Variants in TMEM178B observed in about 807,000 individuals in gnomAD.
TMEM178B encodes transmembrane protein 178B.
In TMEM178B, 5 loss-of-function variants were observed where a neutral mutation model predicts 31.0. The ratio of observed to expected loss-of-function variants is 0.16; its 90% confidence interval spans 0.08 to 0.34. TMEM178B has a LOEUF of 0.34. Among genes scored for constraint, TMEM178B ranks in the 10% least tolerant of loss-of-function variants. The pLI is 1.00. For synonymous variants in TMEM178B, 164 were observed against 164.0 expected (o/e 1.00, Z 0.00); for missense variants, 275 against 400.3 (o/e 0.69, Z 2.67).
At position 141,169,581 on chromosome 7, in the gene TMEM178B, G is replaced by A. The variant is rs981579380; in HGVS notation, c.383-43010G>A. On this transcript the variant is annotated intron_variant, in intron 1 of 3. Transcript: ENST00000565468. ...GACACCTGGCTCTTGGGGTAATCAAGGCTCTGACAGGCTCTGCAAAGAATC... is the reference window on the plus strand; with the variant it reads ...GACACCTGGCTCTTGGGGTAATCAAAGCTCTGACAGGCTCTGCAAAGAATC... 2.6e-5 allele frequency among the ~76,000 whole-genome samples: 4 copies of A among 152,196 alleles called. No individual in the cohort carries two copies. In the South Asian group the frequency reaches 6.2e-4, roughly 24 times the overall value.
intron 1 of TMEM178B, among the ~76,000 whole-genome samples, chr7:141,128,330 G>T (rs938599119): frequency 1.2e-4 from 18 of 152,042 alleles, no homozygotes; most frequent in Non-Finnish European, 2.6e-4. Flanking sequence ...CTTTTCTCTT[G>T]CTTCCTTATT....
rs187444683 is a variant in TMEM178B at position 141,294,292 on chromosome 7, C to T, written c.496+81588C>T. Among the ~76,000 whole-genome samples the T allele has an allele frequency of 1.2e-3, 177 of 152,304 alleles. 1 individual carries two copies. Among genetic ancestry groups the T allele is most frequent in the Middle Eastern group, 6.8e-3 (2 of 294 alleles). On this transcript the variant is annotated intron_variant, in intron 2 of 3. Coordinates refer to ENST00000565468, the MANE Select transcript of TMEM178B (RefSeq NM_001195278.2). ...AGGGCCCCTTAGTTCCTCTCCACCC[C>T]TGCTGATCTCAGCTATTTGAATACA... is the stretch of plus-strand genomic sequence containing the variant.
intron 2 of TMEM178B, among the ~76,000 whole-genome samples, chr7:141,341,064 C>A (rs1437529666): frequency 6.6e-6 from 1 of 152,190 alleles, no homozygotes; most frequent in South Asian, 2.1e-4. Flanking sequence ...ACCTTCACAA[C>A]AAATCCACAC....
chr7:141,303,632 G>A (rs217033), intron 2 of TMEM178B, among the ~76,000 whole-genome samples: 15,109 of 152,234 alleles, frequency 0.099, 1,109 homozygotes, highest in African/African-American at 0.2. Flanking sequence ...TGTACAACAC[G>A]TGCAACCAGG....
intron 1 of TMEM178B, among the ~76,000 whole-genome samples, chr7:141,200,062 T>C (rs530217518): frequency 1.3e-5 from 2 of 151,588 alleles, no homozygotes; most frequent in Non-Finnish European, 2.9e-5. Flanking sequence ...AAAAAAAAAT[T>C]TGTAGACAGG....
chr7:141,257,621 G>C (rs1163749174), intron 2 of TMEM178B, among the ~76,000 whole-genome samples: 1 of 152,162 alleles, frequency 6.6e-6, no homozygotes, highest in African/African-American at 2.4e-5. Context: ...TCCACTTTCA[G>C]CTCCTCAGCT....
the TMEM178B span, among the ~76,000 whole-genome samples, chr7:141,493,533 G>T: frequency 4.6e-5 from 7 of 152,278 alleles, no homozygotes; most frequent in African/African-American, 1.7e-4. Flanking sequence ...CCCACCTGCG[G>T]CTGCAGTCCA....
rs548585047 is a variant in TMEM178B at position 141,252,574 on chromosome 7, G to A, written c.496+39870G>A. ...TGGATTTGATGTCTATCTGAATTTT[G>A]GAGTTAGTAAACACATCAGTGTTAC... On this transcript the variant is annotated intron_variant, in intron 2 of 3. Coordinates refer to ENST00000565468, the MANE Select transcript of TMEM178B (RefSeq NM_001195278.2). Among the ~76,000 whole-genome samples the A allele has an allele frequency of 5.4e-4, 83 of 152,302 alleles. 1 individual carries two copies. In the South Asian group the frequency reaches 0.017, roughly 31 times the overall value.
intron 2 of TMEM178B, among the ~76,000 whole-genome samples, chr7:141,221,596 G>A (rs529006219): frequency 6.6e-6 from 1 of 152,372 alleles, no homozygotes; most frequent in Non-Finnish European, 1.5e-5. Context: ...AATGGTGGCT[G>A]AGAGAGTAGC....
chr7:141,437,782 C>T, intron 3 of TMEM178B, 37 bp downstream of exon 3: 1 of 1,535,638 alleles, frequency 6.5e-7, no homozygotes, highest in East Asian at 2.4e-5. Flanking sequence ...TGGCAGTGGA[C>T]AGGGTCCTGT....
chr7:141,297,289 G>C (rs532808608), intron 2 of TMEM178B, among the ~76,000 whole-genome samples: 2 of 152,288 alleles, frequency 1.3e-5, no homozygotes, highest in South Asian at 4.2e-4. Context: ...ACTTTCAGGA[G>C]CCCAAGCAGT....
intron 3 of TMEM178B, among the ~76,000 whole-genome samples, chr7:141,469,534 C>T (rs561419336): frequency 7.9e-5 from 12 of 152,208 alleles, no homozygotes; most frequent in Middle Eastern, 3.4e-3. Context: ...TTGTTCCTTC[C>T]CTATAAAAGT....
chr7:141,467,655 C>T (rs1263042362), intron 3 of TMEM178B, among the ~76,000 whole-genome samples: 1 of 152,106 alleles, frequency 6.6e-6, no homozygotes, highest in Non-Finnish European at 1.5e-5. Context: ...AGTGCCTTGA[C>T]CCTACATGAA....
rs10718738 is a variant in TMEM178B at position 141,097,365 on chromosome 7, CAAAAAAAAAAAA to C, written c.382+22685_382+22696del. Among the ~76,000 whole-genome samples, 18 of 85,316 alleles carry C rather than the reference CAAAAAAAAAAAA, an allele frequency of 2.1e-4. No homozygotes were observed. In the South Asian group the frequency reaches 5.0e-3, roughly 24 times the overall value. The allele number at this position is 85,316 out of a possible 152,430, so 56.0% of individuals were successfully genotyped here. A position where few individuals can be genotyped will look rare whatever the true frequency, so the allele number is the denominator to read the frequency against. ...TGGGCGAAAGAGTGAGACTCCGTCT[CAAAAAAAAAAAA>C]AAAAAAAAAAAGACAAAATGTAAAC... is the stretch of plus-strand genomic sequence containing the variant. On this transcript the variant is annotated intron_variant, in intron 1 of 3. Transcript: ENST00000565468.
chr7:141,142,409 T>C (rs1386392100), intron 1 of TMEM178B, among the ~76,000 whole-genome samples: 6 of 151,808 alleles, frequency 4.0e-5, no homozygotes, highest in African/African-American at 1.5e-4. Context: ...TTTCTTTTCT[T>C]TCTTTTTTTT....
intron 1 of TMEM178B, among the ~76,000 whole-genome samples, chr7:141,181,350 T>A (rs1796527374): frequency 6.6e-6 from 1 of 152,204 alleles, no homozygotes; most frequent in African/African-American, 2.4e-5. Flanking sequence ...GGATGACCAG[T>A]GTAGACTGGC....
At chr7:141,129,274 G>T (rs1795556282) in intron 1 of TMEM178B, among the ~76,000 whole-genome samples, 1 of 152,304 alleles carries the variant, frequency 6.6e-6, no homozygotes, top group Non-Finnish European at 1.5e-5. Context: ...ATTTACTGCA[G>T]CCATCAGTAG....
intron 1 of TMEM178B, among the ~76,000 whole-genome samples, chr7:141,125,137 T>C (rs1375268637): frequency 6.6e-6 from 1 of 152,232 alleles, no homozygotes; most frequent in African/African-American, 2.4e-5. Flanking sequence ...AGACAATCTC[T>C]CTCCTATCTC....
chr7:141,118,972 T>C (rs1051012148), intron 1 of TMEM178B, among the ~76,000 whole-genome samples: 4 of 152,322 alleles, frequency 2.6e-5, no homozygotes, highest in Admixed American at 2.6e-4. Context: ...GGTAATTATT[T>C]GGCACGCGTG....
Sources: gnomAD v4.1 joint callset for allele counts (sites outside exome capture counted in the v4.1 genomes callset) on GRCh38, gnomAD v4.1.1 for gene constraint, MANE v1.5 for transcripts, NCBI Gene and HGNC (gene_info 2026-07-23, HGNC 2026-07-21) for gene names.